Variants in ATP6V0A1 observed in about 807,000 individuals in gnomAD.
ATP6V0A1 encodes the protein ATPase H+ transporting V0 subunit a1.
A neutral mutation model predicts 105.4 loss-of-function variants in ATP6V0A1; 43 were observed. The ratio of observed to expected loss-of-function variants is 0.41; its 90% CI spans 0.32 to 0.53. The LOEUF (loss-of-function observed/expected upper bound fraction) is 0.53. ATP6V0A1 is among the 20% of genes least tolerant of loss of function. The pLI is 0.30. For synonymous variants in ATP6V0A1, 362 were observed against 372.8 expected (o/e 0.97, Z 0.33); for missense variants, 676 against 1,051.1 (o/e 0.64, Z 4.93).
intron 5 of ATP6V0A1, among the ~76,000 whole-genome samples, chr17:42,475,074 T>C (rs2088551274): frequency 6.6e-6 from 1 of 152,248 alleles, no homozygotes; most frequent in African/African-American, 2.4e-5. Flanking sequence ...TAATGGTTAA[T>C]GGCATGCAGA....
rs1395640279 is a variant in ATP6V0A1 at position 42,521,157 on chromosome 17, C to T, written c.*37C>T. On this transcript the variant is annotated 3_prime_UTR_variant, in exon 22 of 22. Coordinates refer to ENST00000343619, the MANE Select transcript of ATP6V0A1 (RefSeq NM_001130021.3). This position sits in a 1 kb window ranked among gnomAD's most constrained non-coding sequence, Gnocchi z 4.8. ...GGCCGTGTGCCCCATGCTACCCTCC[C>T]CGCCTCCCTCCACAGTGATCAGCTG... 6.5e-7 allele frequency: 1 copy of T among 1,530,632 alleles called. No homozygotes were observed. Among genetic ancestry groups the T allele is most frequent in the Non-Finnish European group, 8.9e-7 (1 of 1,122,448 alleles). The allele number at this position is 1,530,632 out of a possible 1,614,324, so 94.8% of individuals were successfully genotyped here. A position where few individuals can be genotyped will look rare whatever the true frequency, so the allele number is the denominator to read the frequency against.
At chr17:42,518,249 C>T (rs1418102383) in intron 21 of ATP6V0A1, 2 of 152,254 alleles carry the variant, frequency 1.3e-5, no homozygotes, top group Non-Finnish European at 2.9e-5. Context: ...CATAGATGTA[C>T]ACCTACCTGT....
chr17:42,487,150 C>A lies in ATP6V0A1; in HGVS notation c.811-5C>A, dbSNP rs748067889. ...ATCCCTCGCTTGTTCCTTTTCTCCC[C>A]AAAGGTTCTGAATCAAACGGAGGAT... On this transcript the variant is annotated splice_polypyrimidine_tract_variant and splice_region_variant and intron_variant, in intron 9 of 21. Coordinates refer to ENST00000343619, the MANE Select transcript of ATP6V0A1 (RefSeq NM_001130021.3). The A allele has an allele frequency of 1.0e-4, 165 of 1,613,950 alleles. No homozygotes were observed. The highest frequency in any genetic ancestry group is 1.4e-4 in the Non-Finnish European group (161 of 1,179,996).
Position 42,490,631 on chromosome 17 carries a change from A to G in ATP6V0A1, c.1168A>G (p.Asn390Asp). 12 of 1,583,302 alleles carry G rather than the reference A, an allele frequency of 7.6e-6. No individual in the cohort carries two copies. Among genetic ancestry groups the G allele is most frequent in the Non-Finnish European group, 1.0e-5 (12 of 1,171,296 alleles). Residue 390 changes from asparagine to aspartate, a missense_variant, in exon 11 of 22, where the codon AAT becomes GAT. Coordinates refer to ENST00000343619, the MANE Select transcript of ATP6V0A1 (RefSeq NM_001130021.3). ...TGGAATTGGAACTTACCGAGAGATA[A>G]ATCCAGGTAAAAAAAAGCTTGTTAT... is the stretch of plus-strand genomic sequence containing the variant. ...AYGIGTYREI[N>D]PAPYTIITFP...
chr17:42,521,153 C>A lies in ATP6V0A1; in HGVS notation c.*33C>A. 6.5e-7 allele frequency: 1 copy of A among 1,537,510 alleles called. No individual in the cohort carries two copies. ...TGAGGGCCGTGTGCCCCATGCTACCCTCCCCGCCTCCCTCCACAGTGATCA... is the reference window on the plus strand; with the variant it reads ...TGAGGGCCGTGTGCCCCATGCTACCATCCCCGCCTCCCTCCACAGTGATCA... On this transcript the variant is annotated 3_prime_UTR_variant, in exon 22 of 22. Transcript: ENST00000343619. The surrounding 1 kb of genome is among the most constrained non-coding windows in gnomAD (Gnocchi z 4.8).
chr17:42,508,898 G>T (rs2092190785), intron 19 of ATP6V0A1, among the ~76,000 whole-genome samples: 1 of 152,126 alleles, frequency 6.6e-6, no homozygotes, highest in Non-Finnish European at 1.5e-5. Context: ...CTCCTCTTGG[G>T]GGTTAAGTCC....
chr17:42,459,054 A>G (rs918945237), intron 1 of ATP6V0A1, 91 bp downstream of exon 1: 1 of 152,328 alleles, frequency 6.6e-6, no homozygotes, highest in African/African-American at 2.4e-5. Flanking sequence ...TGTCAGAGGA[A>G]TTAGCGGGGA....
Position 42,500,010 on chromosome 17 carries a change from C to T in ATP6V0A1, c.1680-697C>T, listed in dbSNP as rs971036833. On this transcript the variant is annotated intron_variant, in intron 15 of 21. Coordinates refer to ENST00000343619, the MANE Select transcript of ATP6V0A1 (RefSeq NM_001130021.3). ...CAGCACTTTGGGAGGCCAAGGCAGG[C>T]GGATCACTTGAGCCCAAGAGTTCAA... Among the ~76,000 whole-genome samples, 4 of 144,096 alleles carry T rather than the reference C, an allele frequency of 2.8e-5. No individual in the cohort carries two copies. In the East Asian group the frequency reaches 6.0e-4, roughly 22 times the overall value. 94.5% of individuals were successfully genotyped at this position (144,096 alleles called of 152,430 possible). A position where few individuals can be genotyped will look rare whatever the true frequency, so the allele number is the denominator to read the frequency against.
chr17:42,519,125 C>T (rs1474804801), intron 21 of ATP6V0A1: 5 of 152,400 alleles, frequency 3.3e-5, no homozygotes, highest in African/African-American at 1.2e-4. Context: ...GTCAGGGAGG[C>T]CACCTGTCTG....
chr17:42,480,946 G>T, intron 8 of ATP6V0A1, 197 bp downstream of exon 8: 1 of 446,068 alleles, frequency 2.2e-6, no homozygotes. Context: ...TCAGATGGGG[G>T]GGTCTCACTC....
intron 19 of ATP6V0A1, chr17:42,511,066 G>A (rs955409290): frequency 6.6e-6 from 1 of 152,480 alleles, no homozygotes; most frequent in East Asian, 1.9e-4. Context: ...TGTTGAGCAT[G>A]GAGAGCCTGT....
At chr17:42,473,822 T>G (rs2088328573) in intron 5 of ATP6V0A1, among the ~76,000 whole-genome samples, 1 of 152,166 alleles carries the variant, frequency 6.6e-6, no homozygotes, top group Admixed American at 6.5e-5. Flanking sequence ...GAAAAGAACT[T>G]AGTAAAAATG....
At chr17:42,484,392 C>G (rs2089891789) in intron 9 of ATP6V0A1, among the ~76,000 whole-genome samples, 1 of 152,078 alleles carries the variant, frequency 6.6e-6, no homozygotes, top group Non-Finnish European at 1.5e-5. Flanking sequence ...TAAAAGTATG[C>G]TTAGTTAAGA....
At chr17:42,507,344 G>C (rs1420880407) in intron 17 of ATP6V0A1, 176 bp from the exon 18 acceptor site, 1 of 541,576 alleles carries the variant, frequency 1.8e-6, no homozygotes, top group East Asian at 3.2e-5. Flanking sequence ...TGGGGAGGCG[G>C]TGGTTGGGGT....
chr17:42,520,148 C>T (rs372020424), intron 21 of ATP6V0A1: 14 of 276,540 alleles, frequency 5.1e-5, no homozygotes, highest in South Asian at 4.3e-4. Context: ...ATAGGGGCTC[C>T]GGTGCCTCCA....
chr17:42,464,627 A>G (rs979043083), intron 2 of ATP6V0A1, among the ~76,000 whole-genome samples: 10 of 151,708 alleles, frequency 6.6e-5, no homozygotes, highest in Non-Finnish European at 5.9e-5. Flanking sequence ...CTGGTCTCGA[A>G]CTCCTGACCT....
intron 5 of ATP6V0A1, among the ~76,000 whole-genome samples, chr17:42,474,401 T>C (rs2088446106): frequency 6.6e-6 from 1 of 152,160 alleles, no homozygotes; most frequent in Non-Finnish European, 1.5e-5. Flanking sequence ...GCTGCTTTTG[T>C]CATCAATTCC....
At chr17:42,472,134 A>G (rs1598743903) in intron 5 of ATP6V0A1, among the ~76,000 whole-genome samples, 1 of 148,958 alleles carries the variant, frequency 6.7e-6, no homozygotes, top group African/African-American at 2.5e-5. Flanking sequence ...GCTCACTGCA[A>G]CCTCCACCTC....
chr17:42,466,229 G>A (rs550621013), intron 2 of ATP6V0A1, among the ~76,000 whole-genome samples, 200 bp from the exon 3 acceptor site: 1 of 152,308 alleles, frequency 6.6e-6, no homozygotes, highest in Non-Finnish European at 1.5e-5. Context: ...TAATGTTGCA[G>A]CAACGAGGGA....
Sources: gnomAD v4.1 joint callset for allele counts (sites outside exome capture counted in the v4.1 genomes callset) on GRCh38, gnomAD v4.1.1 for gene constraint, Gnocchi (gnomAD v3.1) non-coding constraint, MANE v1.5 for transcripts, NCBI Gene and HGNC (gene_info 2026-07-23, HGNC 2026-07-21) for gene names.